DGKD: variants seen among roughly 807,000 people sequenced by gnomAD.
The protein encoded by DGKD is DAG kinase delta.
Under a neutral mutation model 154.4 loss-of-function variants are expected in DGKD, and 68 were observed. The ratio of observed to expected loss-of-function variants is 0.44; its 90% CI spans 0.36 to 0.54. The LOEUF (loss-of-function observed/expected upper bound fraction) is 0.54, where lower values mean the gene tolerates loss of function less well. Among genes scored for constraint, DGKD ranks in the 20% least tolerant of loss-of-function variants. The probability of loss-of-function intolerance (pLI) is 0.00; values close to 1 mark genes in which losing one functional copy is unlikely to be tolerated. For missense variants in DGKD, 1,343 were observed against 1,593.6 expected, an observed-to-expected ratio of 0.84 and a Z score of 2.68; for synonymous variants, 693 against 638.0, an observed-to-expected ratio of 1.09 and a Z score of -1.30.
At chr2:233,358,753 ATAT>A (rs1408290221) in intron 1 of DGKD, among the ~76,000 whole-genome samples, 2 of 152,224 alleles carry the variant, frequency 1.3e-5, no homozygotes, top group African/African-American at 4.8e-5. Context: ...TTGCTGGGTA[ATAT>A]TCCATTCTAC....
chr2:233,467,012 T>A (rs1344231048), intron 27 of DGKD, 74 bp from the exon 28 acceptor site: 4 of 1,227,154 alleles, frequency 3.3e-6, no homozygotes, highest in Non-Finnish European at 3.6e-6. Flanking sequence ...CCTCCCAGCC[T>A]CTCTGGTGGA....
Position 233,435,737 on chromosome 2 carries a change from A to G in DGKD, c.587-81A>G, listed in dbSNP as rs534600709. ...CCTTCCTTGACTTTTCTGGAGCTGG[A>G]CGGTTCTCACAACACTGCTCAGCAT... On this transcript the variant is annotated intron_variant, in intron 5 of 29. Coordinates refer to ENST00000264057, the MANE Select transcript of DGKD (RefSeq NM_152879.3). 35 of 1,325,200 alleles carry G rather than the reference A, an allele frequency of 2.6e-5. No individual in the cohort carries two copies. The African/African-American group carries it at 4.5e-4, about 17-fold the overall frequency. The allele number at this position is 1,325,200 out of a possible 1,614,324, so 82.1% of individuals were successfully genotyped here.
Position 233,441,880 on chromosome 2 carries a change from T to G in DGKD, c.1086-7T>G, listed in dbSNP as rs2062903744. 6.2e-7 allele frequency: 1 copy of G among 1,611,852 alleles called. No homozygotes were observed. Among genetic ancestry groups the G allele is most frequent in the Admixed American group, 1.7e-5 (1 of 59,940 alleles). On this transcript the variant is annotated splice_region_variant and splice_polypyrimidine_tract_variant and intron_variant, in intron 9 of 29. Transcript: ENST00000264057. The surrounding 1 kb of genome is among the most constrained non-coding windows in gnomAD (Gnocchi z 5.6). Reference sequence around the variant, plus strand: ...GTCATTTCACGGCCTTTCTCTTTTCTCTGCAGCTTACGGTTATTCCAGAAG... The same window carrying G: ...GTCATTTCACGGCCTTTCTCTTTTCGCTGCAGCTTACGGTTATTCCAGAAG...
chr2:233,419,075 G>C (rs1336568505), intron 3 of DGKD, among the ~76,000 whole-genome samples: 1 of 152,138 alleles, frequency 6.6e-6, no homozygotes, highest in Non-Finnish European at 1.5e-5. Context: ...TCCAGGATTC[G>C]GGCAGCATCG....
chr2:233,396,002 A>G lies in DGKD; in HGVS notation c.348+5519A>G, dbSNP rs549198589. ...GATTCATACCAAACCATGAAAATGA[A>G]AAAGGACTGAAGAACATGGAAGAAA... On this transcript the variant is annotated intron_variant, in intron 3 of 29. Coordinates refer to ENST00000264057, the MANE Select transcript of DGKD (RefSeq NM_152879.3). Among the ~76,000 whole-genome samples, 73 of 152,362 alleles carry G rather than the reference A, an allele frequency of 4.8e-4. 1 individual carries two copies. The highest frequency in any genetic ancestry group is 1.2e-3 in the Admixed American group (19 of 15,312).
Position 233,467,072 on chromosome 2 carries a change from A to C in DGKD, c.3307-14A>C, listed in dbSNP as rs370697235. 9.4e-6 allele frequency: 15 copies of C among 1,602,766 alleles called. No individual in the cohort carries two copies. The highest frequency in any genetic ancestry group is 1.3e-5 in the Non-Finnish European group (15 of 1,169,844). ...TGCAGCCTGATTCTCAGTATTCCTCATTCTCCCCAACAGAGTGTGATGCTG... is the reference window on the plus strand; with the variant it reads ...TGCAGCCTGATTCTCAGTATTCCTCCTTCTCCCCAACAGAGTGTGATGCTG... On this transcript the variant is annotated splice_polypyrimidine_tract_variant and intron_variant, in intron 27 of 29. Coordinates refer to ENST00000264057, the MANE Select transcript of DGKD (RefSeq NM_152879.3).
intron 12 of DGKD, chr2:233,447,402 C>T (rs2063116507): frequency 1.1e-6 from 1 of 891,996 alleles, no homozygotes; most frequent in Non-Finnish European, 1.3e-6. Flanking sequence ...AAGAGGTGAG[C>T]TTTTGTCAGG....
chr2:233,448,398 G>A (rs371256443), intron 14 of DGKD, 23 bp downstream of exon 14: 8 of 1,607,766 alleles, frequency 5.0e-6, no homozygotes, highest in Non-Finnish European at 6.0e-6. Flanking sequence ...GCCCTGGGTG[G>A]GAGGGGCATT....
At chr2:233,468,988 C>T (rs939880771) in intron 29 of DGKD, among the ~76,000 whole-genome samples, 38 of 152,222 alleles carry the variant, frequency 2.5e-4, no homozygotes, top group African/African-American at 8.9e-4. Flanking sequence ...GCCCATGCCC[C>T]TGCCCAGGTT....
chr2:233,436,400 C>A lies in DGKD; in HGVS notation c.778C>A (p.Leu260Met), dbSNP rs146642359. 74 of 1,613,938 alleles carry A rather than the reference C, an allele frequency of 4.6e-5. No homozygotes were observed. The highest frequency in any genetic ancestry group is 1.0e-4 in the Admixed American group (6 of 60,010). The change falls in exon 7 of 30, where the codon CTG becomes ATG. Residue 260 changes from leucine to methionine, a missense_variant. By Grantham distance (15) the Leu-to-Met change is conservative. This residue lies in a region of DGKD where 332 missense variants were observed against 400.1 expected (regional missense o/e 0.83). Coordinates refer to ENST00000264057, the MANE Select transcript of DGKD (RefSeq NM_152879.3). ...GTGCGACAAGACCTGTGGCAGTGTG[C>A]TGCGCCTGCAGGACTGGCGCTGCCT... ...TVCDKTCGSV[L>M]RLQDWRCLWC... is the part of the protein sequence containing the mutation.
rs143445571 is a variant in DGKD at position 233,459,765 on chromosome 2, G to T, written c.2703G>T (p.Thr901=). The change falls in exon 23 of 30, where the codon ACG becomes ACT. Residue 901 remains threonine, a synonymous_variant. Transcript: ENST00000264057. This position sits in a 1 kb window ranked among gnomAD's most constrained non-coding sequence, Gnocchi z 5.7. ...CTATGATGTCTGCTCAGTGTCGCAC[G>T]GTGAAGATCTCCATCCTTGGGGATG... ...LQHHRIAQCR[T]VKISILGDEG... 1 of 1,613,870 alleles carries T rather than the reference G, an allele frequency of 6.2e-7. No individual in the cohort carries two copies. Among genetic ancestry groups the T allele is most frequent in the Admixed American group, 1.7e-5 (1 of 59,992 alleles).
chr2:233,370,991 A>G (rs1702294129), intron 1 of DGKD, among the ~76,000 whole-genome samples: 1 of 145,318 alleles, frequency 6.9e-6, no homozygotes, highest in South Asian at 2.2e-4. Flanking sequence ...GGCTCAAGTG[A>G]TCTTCTTGCC....
chr2:233,443,941 T>C (rs1427345749), intron 10 of DGKD, among the ~76,000 whole-genome samples: 1 of 152,156 alleles, frequency 6.6e-6, no homozygotes, highest in East Asian at 1.9e-4. Context: ...TTTCTTGTCT[T>C]CCTGGCTGCT....
At chr2:233,382,121 C>T (rs2125421396) in intron 1 of DGKD, among the ~76,000 whole-genome samples, 1 of 152,292 alleles carries the variant, frequency 6.6e-6, no homozygotes, top group African/African-American at 2.4e-5. Flanking sequence ...GTAATCCCAG[C>T]TACTCGGGAG....
In DGKD at chr2:233,357,965, G is replaced by T. The variant is rs78963931; in HGVS notation, c.156+3291G>T. On this transcript the variant is annotated intron_variant, in intron 1 of 29. Coordinates refer to ENST00000264057, the MANE Select transcript of DGKD (RefSeq NM_152879.3). ...CTCCAAACTTCAAATAATTCTTCAG[G>T]TTATAGATCTTTAGCATATTGAAAA... Among the ~76,000 whole-genome samples the T allele has an allele frequency of 4.9e-3, 750 of 152,190 alleles. 10 individuals carry two copies. The highest frequency in any genetic ancestry group is 0.017 in the African/African-American group (707 of 41,512).
intron 3 of DGKD, among the ~76,000 whole-genome samples, chr2:233,410,121 A>G (rs963941331): frequency 3.4e-4 from 52 of 152,110 alleles, no homozygotes; most frequent in African/African-American, 1.2e-3. Context: ...TGCCTGGCCA[A>G]TGCTGTTTTC....
In DGKD at chr2:233,458,281, C is replaced by T. The variant is rs1407343528; in HGVS notation, c.2581-3C>T. ...GTGGTCAGCTCTAACGTGTCCCTTG[C>T]AGACTTTCGCAGCTCCATCATTCGA... On this transcript the variant is annotated splice_region_variant and splice_polypyrimidine_tract_variant and intron_variant, in intron 21 of 29. Transcript: ENST00000264057. The surrounding 1 kb of genome is among the most constrained non-coding windows in gnomAD (Gnocchi z 6.6). The T allele has an allele frequency of 8.7e-6, 14 of 1,608,214 alleles. No individual in the cohort carries two copies. The East Asian group carries it at 3.1e-4, about 36-fold the overall frequency.
chr2:233,380,289 G>A (rs138260466), intron 1 of DGKD, among the ~76,000 whole-genome samples: 16 of 152,296 alleles, frequency 1.1e-4, no homozygotes, highest in Non-Finnish European at 2.1e-4. Flanking sequence ...GGCCCCTGGG[G>A]ACGCCAGCCT....
At chr2:233,407,759 C>A (rs998282576) in intron 3 of DGKD, among the ~76,000 whole-genome samples, 1 of 152,072 alleles carries the variant, frequency 6.6e-6, no homozygotes, top group Non-Finnish European at 1.5e-5. Context: ...AGAGAGAGAT[C>A]GTGTCTCAAA....
Sources: gnomAD v4.1 joint callset for allele counts (sites outside exome capture counted in the v4.1 genomes callset) on GRCh38, gnomAD v4.1.1 for gene constraint, gnomAD v4.1.1 regional missense constraint, Gnocchi (gnomAD v3.1) non-coding constraint, MANE v1.5 for transcripts, NCBI Gene and HGNC (gene_info 2026-07-23, HGNC 2026-07-21) for gene names.